The following SH2B1 variants were observed in gnomAD, a reference collection of about 807,000 sequenced individuals.
SH2B1 encodes the protein SH2B adaptor protein 1, also known as SH2B adapter protein 1.
Under a neutral mutation model 62.6 loss-of-function variants are expected in SH2B1, and 15 were observed. The observed-to-expected ratio is 0.24, with a 90% confidence interval of 0.16 to 0.37. The LOEUF is 0.37. Ranked by LOEUF, SH2B1 falls within the 10% of genes least tolerant of loss-of-function variation. The probability of loss-of-function intolerance (pLI) is 1.00; values close to 1 mark genes in which losing one functional copy is unlikely to be tolerated. For synonymous variants in SH2B1, 443 were observed against 438.0 expected (o/e 1.01, Z -0.14); for missense variants, 925 against 1,015.6 (o/e 0.91, Z 1.21).
chr16:28,846,668 C>T (rs938749000), upstream of SH2B1: 3 of 203,984 alleles, frequency 1.5e-5, no homozygotes, highest in African/African-American at 4.6e-5. Context: ...CGGGCTAGGC[C>T]GGACCCGGAG....
intron 1 of SH2B1, among the ~76,000 whole-genome samples, chr16:28,855,804 TA>T (rs1962310769): frequency 2.1e-5 from 2 of 94,444 alleles, no homozygotes; most frequent in South Asian, 4.9e-4. Flanking sequence ...CACGCCCGGC[TA>T]ATTTTTTTTT....
intron 1 of SH2B1, among the ~76,000 whole-genome samples, chr16:28,851,681 T>C (rs914132677): frequency 1.3e-5 from 2 of 150,032 alleles, no homozygotes; most frequent in Non-Finnish European, 3.0e-5. Context: ...GCCAGGCTGG[T>C]CTCGAACTCC....
intron 1 of SH2B1, among the ~76,000 whole-genome samples, chr16:28,848,045 C>T (rs908333628): frequency 2.6e-5 from 4 of 151,810 alleles, no homozygotes; most frequent in African/African-American, 9.7e-5. Flanking sequence ...AGACGGCTCT[C>T]GAACTCCAGA....
At position 28,865,751 on chromosome 16, in the gene SH2B1, C is replaced by T. The variant is rs556384937; in HGVS notation, c.-344C>T. 88 of 1,073,746 alleles carry T rather than the reference C, an allele frequency of 8.2e-5. No individual in the cohort carries two copies. In the Middle Eastern group the frequency reaches 2.1e-3, roughly 25 times the overall value. The allele number at this position is 1,073,746 out of a possible 1,614,324, so 66.5% of individuals were successfully genotyped here. A position where few individuals can be genotyped will look rare whatever the true frequency, so the allele number is the denominator to read the frequency against. On this transcript the variant is annotated 5_prime_UTR_variant, in exon 1 of 8. Coordinates refer to ENST00000684370, the MANE Select transcript of SH2B1 (RefSeq NM_001387430.1). The stretch of plus-strand genomic sequence containing the variant: ...TTTTTAGGGGGAAGGTGCTCCAAAG[C>T]CCTCTACTGCTGGATCCAAAGCTAA...
rs1963132944 is a variant in SH2B1 at position 28,873,082 on chromosome 16, C to T, written c.1898-365C>T. 3.4e-6 allele frequency: 3 copies of T among 889,660 alleles called. No individual in the cohort carries two copies. Among genetic ancestry groups the T allele is most frequent in the South Asian group, 3.4e-5 (2 of 58,718 alleles). 55.1% of individuals were successfully genotyped at this position (889,660 alleles called of 1,614,324 possible). A position where few individuals can be genotyped will look rare whatever the true frequency, so the allele number is the denominator to read the frequency against. ...GACACTCGGTCTGATCCCCTTCCCT[C>T]CTCCCTCAATGTCTCATGTCCCTGT... On this transcript the variant is annotated intron_variant, in intron 7 of 7. Transcript: ENST00000684370. The surrounding 1 kb of genome is among the most constrained non-coding windows in gnomAD (Gnocchi z 4.2).
At chr16:28,853,150 A>G (rs56163509) in intron 1 of SH2B1, among the ~76,000 whole-genome samples, 32,646 of 123,744 alleles carry the variant, frequency 0.26, 6,430 homozygotes, top group Non-Finnish European at 0.38. Flanking sequence ...ATAAATATAT[A>G]TAAATGTATA....
chr16:28,869,232 C>T lies in SH2B1; in HGVS notation c.1158C>T (p.Arg386=), dbSNP rs1246858442. The change falls in exon 4 of 8, where the codon CGC becomes CGT. Residue 386 remains arginine, a synonymous_variant. Coordinates refer to ENST00000684370, the MANE Select transcript of SH2B1 (RefSeq NM_001387430.1). ...GACCCTGCCCTGCTACCAGTCCCCG[C>T]CCCATGACCCTCCCTCTGGCCCCTG... ...SPGPCPATSP[R]PMTLPLAPGT... The T allele has an allele frequency of 6.2e-6, 10 of 1,614,038 alleles. No homozygotes were observed. The highest frequency in any genetic ancestry group is 1.7e-5 in the Admixed American group (1 of 60,000).
At chr16:28,848,668 CTTTTT>C (rs745489496) in intron 1 of SH2B1, among the ~76,000 whole-genome samples, 6 of 109,254 alleles carry the variant, frequency 5.5e-5, no homozygotes, top group African/African-American at 8.3e-5. Flanking sequence ...CCGCACTGTC[CTTTTT>C]TTTTTTTTTT....
At chr16:28,859,879 CCG>C (rs199766562), upstream of SH2B1, among the ~76,000 whole-genome samples, 37,516 of 139,574 alleles carry the variant, frequency 0.27, 6,207 homozygotes, top group Admixed American at 0.37. Context: ...CCCCCCCCCC[CCG>C]GCTGTTTTCA....
chr16:28,852,436 TTA>T lies in SH2B1; in HGVS notation c.-301+5619_-301+5620del, dbSNP rs367937250. Among the ~76,000 whole-genome samples, 409 of 51,366 alleles carry T rather than the reference TTA, an allele frequency of 8.0e-3. 152 individuals are homozygous for T. The highest frequency in any genetic ancestry group is 0.024 in the African/African-American group (295 of 12,220). 33.7% of individuals were successfully genotyped at this position (51,366 alleles called of 152,430 possible). A position where few individuals can be genotyped will look rare whatever the true frequency, so the allele number is the denominator to read the frequency against. On this transcript the variant is annotated intron_variant, in intron 1 of 10. Transcript: ENST00000322610. The stretch of plus-strand genomic sequence containing the variant: ...TATATTTATATATTTACATATATAT[TTA>T]TATATATATTTACATATATATTTAT...
chr16:28,852,003 G>T (rs1347951719), intron 1 of SH2B1, among the ~76,000 whole-genome samples: 1 of 149,022 alleles, frequency 6.7e-6, no homozygotes, highest in Non-Finnish European at 1.5e-5. Flanking sequence ...GGAGGCGGAG[G>T]TTGCAGTGAG....
chr16:28,868,742 C>T lies in SH2B1; in HGVS notation c.1042-264C>T, dbSNP rs1365854001. Among the ~76,000 whole-genome samples, 4 of 152,114 alleles carry T rather than the reference C, an allele frequency of 2.6e-5. No homozygotes were observed. The East Asian group carries it at 7.7e-4, about 29-fold the overall frequency. ...AAGTGCTGGGATTACAGGTGTGAGC[C>T]ATCGTACCCGGCCTCGCCTTATTTT... On this transcript the variant is annotated intron_variant, in intron 2 of 7. Coordinates refer to ENST00000684370, the MANE Select transcript of SH2B1 (RefSeq NM_001387430.1).
chr16:28,864,779 T>G lies in SH2B1; in HGVS notation c.-1316T>G. ...TAAGACCTTGAGAGGGCTCCTCCTT[T>G]CTCTAATTTCTATTTTAGAAAATTG... On this transcript the variant is annotated 5_prime_UTR_variant, in exon 1 of 8. Transcript: ENST00000684370. 3 of 463,814 alleles carry G rather than the reference T, an allele frequency of 6.5e-6. No homozygotes were observed. The highest frequency in any genetic ancestry group is 8.5e-6 in the Non-Finnish European group (3 of 353,470). The allele number at this position is 463,814 out of a possible 1,614,324, so 28.7% of individuals were successfully genotyped here.
Position 28,869,345 on chromosome 16 carries a change from T to C in SH2B1, c.1271T>C (p.Leu424Pro), listed in dbSNP as rs746191403. The change falls in exon 4 of 8, where the codon CTG becomes CCG. Residue 424 changes from leucine to proline, a missense_variant. By Grantham distance (98) the Leu-to-Pro change is moderately conservative (BLOSUM62 -3). Around this residue, in one of 3 missense-constraint regions of SH2B1, gnomAD observed 683 missense variants for 704.0 expected, o/e 0.97. Transcript: ENST00000684370. ...HSESLPSQDLLLGPSESNDRL... is the reference protein window; with the variant it reads ...HSESLPSQDLPLGPSESNDRL... ...GAGAGTCTACCCAGCCAGGACCTGC[T>C]GCTTGGACCCAGCGAGAGCAATGAC... 2 of 1,614,098 alleles carry C rather than the reference T, an allele frequency of 1.2e-6. No individual in the cohort carries two copies. Among genetic ancestry groups the C allele is most frequent in the Non-Finnish European group, 1.7e-6 (2 of 1,180,016 alleles).
rs1321060372 is a variant in SH2B1, at chr16:28,871,952, C to T, written c.1482C>T (p.Tyr494=). Residue 494 remains tyrosine (Y), a synonymous_variant, in exon 5 of 8, where the codon TAC becomes TAT. Transcript: ENST00000684370. ...CAGTTCATCCCCTCTCAGCCCCCTACCCTCCCTTGGACACTCCGGAAACAG... is the reference window on the plus strand; with the variant it reads ...CAGTTCATCCCCTCTCAGCCCCCTATCCTCCCTTGGACACTCCGGAAACAG... ...TGTVHPLSAP[Y]PPLDTPETAT... 3.1e-6 allele frequency: 5 copies of T among 1,609,122 alleles called. No homozygotes were observed. The highest frequency in any genetic ancestry group is 1.1e-5 in the South Asian group (1 of 91,000).
intron 1 of SH2B1, among the ~76,000 whole-genome samples, chr16:28,849,212 C>G (rs1013480512): frequency 6.6e-6 from 1 of 152,198 alleles, no homozygotes; most frequent in Non-Finnish European, 1.5e-5. Flanking sequence ...CAATCTACCT[C>G]AGCCTCCCAA....
upstream of SH2B1, chr16:28,863,676 G>A: frequency 1.3e-6 from 2 of 1,535,386 alleles, no homozygotes; most frequent in Non-Finnish European, 1.7e-6. Context: ...AGGTGCAACT[G>A]GAGAAGGCAC....
rs776783680 is a variant in SH2B1 at position 28,871,965 on chromosome 16, A to G, written c.1495A>G (p.Thr499Ala). The change falls in exon 5 of 8, where the codon ACT becomes GCT. Residue 499 changes from threonine (T) to alanine (A), a missense_variant. Physicochemically the swap from Thr to Ala is moderately conservative, Grantham distance 58 (BLOSUM62 0). This residue lies in a region of SH2B1 where 683 missense variants were observed against 704.0 expected (regional missense o/e 0.97). Coordinates refer to ENST00000684370, the MANE Select transcript of SH2B1 (RefSeq NM_001387430.1). ...CTCAGCCCCCTACCCTCCCTTGGAC[A>G]CTCCGGAAACAGCCACAGGTACCGG... ...PLSAPYPPLD[T>A]PETATGSFLF... is the part of the protein sequence containing the mutation. 3.0e-5 allele frequency: 48 copies of G among 1,598,858 alleles called. No homozygotes were observed. Among genetic ancestry groups the G allele is most frequent in the Non-Finnish European group, 4.0e-5 (47 of 1,170,602 alleles).
chr16:28,851,461 T>TC (rs966033394), intron 1 of SH2B1, among the ~76,000 whole-genome samples: 11 of 64,862 alleles, frequency 1.7e-4, no homozygotes, highest in African/African-American at 5.1e-4. Context: ...CCTTTCTTCT[T>TC]TTTTTTTTTT....
Sources: gnomAD v4.1 joint callset for allele counts (sites outside exome capture counted in the v4.1 genomes callset) on GRCh38, gnomAD v4.1.1 for gene constraint, gnomAD v4.1.1 regional missense constraint, Gnocchi (gnomAD v3.1) non-coding constraint, MANE v1.5 for transcripts, NCBI Gene and HGNC (gene_info 2026-07-23, HGNC 2026-07-21) for gene names.